Variants in ST6GALNAC3 observed in about 807,000 individuals in gnomAD.
The protein encoded by ST6GALNAC3 is ST6 N-acetylgalactosaminide alpha-2,6-sialyltransferase 3, also known as alpha-N-acetylgalactosaminide alpha-2,6-sialyltransferase 3.
ST6GALNAC3 carries 25 observed loss-of-function variants against 32.7 expected under a neutral mutation model. The ratio of observed to expected loss-of-function variants is 0.76; its 90% CI spans 0.56 to 1.07. The LOEUF is 1.07. ST6GALNAC3 is among the 50% of genes least tolerant of loss of function. The pLI is 0.00. For synonymous variants in ST6GALNAC3, 129 were observed against 133.1 expected, an observed-to-expected ratio of 0.97 and a Z score of 0.21; for missense variants, 355 against 382.4, an observed-to-expected ratio of 0.93 and a Z score of 0.60.
chr1:76,278,191 A>C (rs186980504), intron 1 of ST6GALNAC3, among the ~76,000 whole-genome samples: 2 of 125,568 alleles, frequency 1.6e-5, no homozygotes, highest in Non-Finnish European at 3.1e-5. Context: ...GGTATCTTTC[A>C]GTATCATGTA....
At chr1:76,440,813 C>T (rs1047713830) in intron 3 of ST6GALNAC3, among the ~76,000 whole-genome samples, 3 of 152,064 alleles carry the variant, frequency 2.0e-5, no homozygotes, top group Non-Finnish European at 2.9e-5. Flanking sequence ...AGAGGCTGGG[C>T]GCAGTGACTC....
At chr1:76,121,534 G>A (rs1648870152) in intron 1 of ST6GALNAC3, among the ~76,000 whole-genome samples, 2 of 152,108 alleles carry the variant, frequency 1.3e-5, no homozygotes, top group Non-Finnish European at 2.9e-5. Context: ...GGCTAACACG[G>A]TGAAACCCCA....
chr1:76,262,886 T>C (rs1658321471), intron 1 of ST6GALNAC3, among the ~76,000 whole-genome samples: 1 of 152,102 alleles, frequency 6.6e-6, no homozygotes. Context: ...CCTCTTGGAT[T>C]CATGTTTATT....
At chr1:76,330,313 C>T (rs537458411) in intron 2 of ST6GALNAC3, among the ~76,000 whole-genome samples, 13 of 152,176 alleles carry the variant, frequency 8.5e-5, no homozygotes, top group African/African-American at 1.9e-4. Flanking sequence ...CCATCATGCC[C>T]GGCTAATTTT....
chr1:76,449,961 A>T (rs901785614), intron 3 of ST6GALNAC3, among the ~76,000 whole-genome samples: 2 of 151,898 alleles, frequency 1.3e-5, no homozygotes, highest in East Asian at 1.9e-4. Flanking sequence ...TTTATCTCTC[A>T]CCTCCAATTA....
intron 1 of ST6GALNAC3, among the ~76,000 whole-genome samples, chr1:76,233,575 A>G (rs1434405758): frequency 6.6e-6 from 1 of 152,202 alleles, no homozygotes; most frequent in Non-Finnish European, 1.5e-5. Context: ...TATCCATCCT[A>G]AATGGGCAGT....
At chr1:76,093,280 T>G (rs1381675368) in intron 1 of ST6GALNAC3, among the ~76,000 whole-genome samples, 2 of 152,234 alleles carry the variant, frequency 1.3e-5, no homozygotes, top group African/African-American at 2.4e-5. Flanking sequence ...CAATGCTGTG[T>G]GCTGTGGACT....
At chr1:76,317,140 C>G (rs948469928) in intron 2 of ST6GALNAC3, among the ~76,000 whole-genome samples, 2 of 152,076 alleles carry the variant, frequency 1.3e-5, no homozygotes, top group African/African-American at 4.8e-5. Flanking sequence ...TCAAGTAGTT[C>G]TAGGCTAACT....
chr1:76,315,564 A>G (rs1442312991), intron 2 of ST6GALNAC3, among the ~76,000 whole-genome samples: 1 of 152,292 alleles, frequency 6.6e-6, no homozygotes, highest in East Asian at 1.9e-4. Context: ...ATGATTTTAC[A>G]AAAGAATATT....
intron 3 of ST6GALNAC3, among the ~76,000 whole-genome samples, chr1:76,585,592 G>A (rs541571104): frequency 7.9e-5 from 12 of 152,172 alleles, no homozygotes; most frequent in African/African-American, 2.4e-4. Flanking sequence ...CACAGTTCAT[G>A]CTGGAACCAG....
chr1:76,532,392 C>T (rs1015667777), intron 3 of ST6GALNAC3, among the ~76,000 whole-genome samples: 1 of 152,142 alleles, frequency 6.6e-6, no homozygotes, highest in Non-Finnish European at 1.5e-5. Flanking sequence ...AATGCCACTA[C>T]GGACCTTAGG....
At chr1:76,109,127 A>T (rs990962153) in intron 1 of ST6GALNAC3, among the ~76,000 whole-genome samples, 1 of 152,210 alleles carries the variant, frequency 6.6e-6, no homozygotes, top group Non-Finnish European at 1.5e-5. Flanking sequence ...GGAAGAGAAC[A>T]GTGGTACCCA....
chr1:76,355,709 G>C (rs1310675513), intron 2 of ST6GALNAC3, among the ~76,000 whole-genome samples: 1 of 152,190 alleles, frequency 6.6e-6, no homozygotes, highest in Non-Finnish European at 1.5e-5. Context: ...TCCAAACTCA[G>C]AGTGCTGTAT....
chr1:76,355,870 C>T (rs535564970), intron 2 of ST6GALNAC3, among the ~76,000 whole-genome samples: 1 of 152,160 alleles, frequency 6.6e-6, no homozygotes, highest in Non-Finnish European at 1.5e-5. Flanking sequence ...GTCTCTGTCT[C>T]GCTTTCCCAG....
intron 3 of ST6GALNAC3, among the ~76,000 whole-genome samples, chr1:76,481,816 G>C (rs193152018): frequency 1.3e-5 from 2 of 152,140 alleles, no homozygotes; most frequent in Admixed American, 6.6e-5. Context: ...ATATGCAAAA[G>C]TTCTAGAAAT....
At chr1:76,129,268 C>T (rs896541691) in intron 1 of ST6GALNAC3, among the ~76,000 whole-genome samples, 3 of 152,166 alleles carry the variant, frequency 2.0e-5, no homozygotes, top group African/African-American at 7.2e-5. Flanking sequence ...GGATGGGCGT[C>T]CCTGTCAGGC....
At position 76,392,316 on chromosome 1, in the gene ST6GALNAC3, C is replaced by T. The variant is rs539639365; in HGVS notation, c.214-19692C>T. ...GACTAGATTTCTCAACAACTTATCACATTATTTCCAACAACATTCAAATTC... is the reference window on the plus strand; with the variant it reads ...GACTAGATTTCTCAACAACTTATCATATTATTTCCAACAACATTCAAATTC... On this transcript the variant is annotated intron_variant, in intron 2 of 4. Coordinates refer to ENST00000328299, the MANE Select transcript of ST6GALNAC3 (RefSeq NM_152996.4). 3.6e-4 allele frequency among the ~76,000 whole-genome samples: 55 copies of T among 152,282 alleles called. 1 individual carries two copies. The highest frequency in any genetic ancestry group is 1.3e-3 in the African/African-American group (55 of 41,554).
intron 1 of ST6GALNAC3, among the ~76,000 whole-genome samples, chr1:76,163,646 T>A (rs1339696014): frequency 6.6e-6 from 1 of 152,238 alleles, no homozygotes; most frequent in Non-Finnish European, 1.5e-5. Context: ...TGGCAGTATT[T>A]TTTTTCTGTG....
At chr1:76,378,850 T>C (rs1306566911) in intron 2 of ST6GALNAC3, among the ~76,000 whole-genome samples, 1 of 152,152 alleles carries the variant, frequency 6.6e-6, no homozygotes, top group Non-Finnish European at 1.5e-5. Context: ...TTTTATGGTG[T>C]AGAGCTCTGG....
Sources: allele counts gnomAD v4.1 joint callset (sites outside exome capture counted in the v4.1 genomes callset), GRCh38; gene constraint gnomAD v4.1.1; transcripts MANE v1.5; gene names NCBI Gene and HGNC (gene_info 2026-07-23, HGNC 2026-07-21).